RBFOX1: variants seen among roughly 807,000 people sequenced by gnomAD.
The protein encoded by RBFOX1 is RNA binding fox-1 homolog 1, also known as RNA binding protein fox-1 homolog 1.
Under a neutral mutation model 57.7 loss-of-function variants are expected in RBFOX1, and 8 were observed. That is an observed-to-expected ratio of 0.14 (90% CI 0.08 to 0.25). The LOEUF is 0.25. RBFOX1 is among the 10% of genes least tolerant of loss of function. The pLI, the probability that RBFOX1 is intolerant of heterozygous loss-of-function variation, is 1.00. For missense variants in RBFOX1, 611 were observed against 548.5 expected (o/e 1.11, Z -1.14); for synonymous variants, 326 against 222.4 (o/e 1.47, Z -4.15).
intron 14 of RBFOX1, among the ~76,000 whole-genome samples, chr16:7,699,452 A>G (rs2148027584): frequency 1.3e-5 from 2 of 152,236 alleles, no homozygotes; most frequent in East Asian, 3.9e-4. Context: ...TTGGCCTACC[A>G]AAGTCCTGCG....
intron 3 of RBFOX1, among the ~76,000 whole-genome samples, chr16:6,702,761 G>A (rs1215817110): frequency 6.6e-6 from 1 of 151,998 alleles, no homozygotes; most frequent in Non-Finnish European, 1.5e-5. Flanking sequence ...TTTTTGTTAT[G>A]GTAAAATAGA....
rs184892068 is a variant in RBFOX1 at position 7,113,854 on chromosome 16, A to G, written c.27+61756A>G. 3.3e-5 allele frequency among the ~76,000 whole-genome samples: 5 copies of G among 152,248 alleles called. No individual in the cohort carries two copies. The East Asian group carries it at 9.7e-4, about 29-fold the overall frequency. On this transcript the variant is annotated intron_variant, in intron 4 of 15. Transcript: ENST00000550418. ...TGGCCTCCCACTACCAAGTTTTCAC[A>G]GTTACTCACAATGGCACTCTCGGGT...
intron 3 of RBFOX1, among the ~76,000 whole-genome samples, chr16:6,816,926 T>C (rs1231568433): frequency 2.0e-5 from 3 of 151,964 alleles, no homozygotes; most frequent in Non-Finnish European, 4.4e-5. Flanking sequence ...TTTGTATTTT[T>C]TGGAGAGATG....
At chr16:7,091,661 C>A (rs77980424) in intron 4 of RBFOX1, among the ~76,000 whole-genome samples, 1 of 152,278 alleles carries the variant, frequency 6.6e-6, no homozygotes. Flanking sequence ...CTGCTGTAAG[C>A]AAACTTGTGA....
rs1386070 is a variant in RBFOX1 at position 5,598,763 on chromosome 16, G to C, written c.259-139G>C. ...GCAGGTCTTGACCCCTGCAGGGGATGGGTGGAGAGACAGAGGGTACTGTGG... is the reference window on the plus strand; with the variant it reads ...GCAGGTCTTGACCCCTGCAGGGGATCGGTGGAGAGACAGAGGGTACTGTGG... On this transcript the variant is annotated intron_variant, in intron 2 of 2. Coordinates refer to the RBFOX1 transcript ENST00000585867. 7.5e-4 allele frequency: 495 copies of C among 657,654 alleles called. 3 individuals carry two copies. In the African/African-American group the frequency reaches 8.2e-3, roughly 11 times the overall value. 40.7% of individuals were successfully genotyped at this position (657,654 alleles called of 1,614,324 possible). A position where few individuals can be genotyped will look rare whatever the true frequency, so the allele number is the denominator to read the frequency against.
At chr16:6,533,335 G>A (rs971475027) in intron 2 of RBFOX1, among the ~76,000 whole-genome samples, 8 of 152,178 alleles carry the variant, frequency 5.3e-5, no homozygotes, top group Non-Finnish European at 7.3e-5. Context: ...TGAGAACCTG[G>A]CTCAGAAAAT....
intron 1 of RBFOX1, among the ~76,000 whole-genome samples, chr16:6,076,479 G>GT (rs1487285797): frequency 1.3e-5 from 2 of 151,786 alleles, no homozygotes; most frequent in Admixed American, 6.6e-5. Context: ...CTGTTTTTTT[G>GT]TTTTTTGAGT....
At chr16:5,750,667 A>G (rs896336373) in intron 3 of RBFOX1, among the ~76,000 whole-genome samples, 7 of 152,228 alleles carry the variant, frequency 4.6e-5, no homozygotes, top group Non-Finnish European at 1.0e-4. Flanking sequence ...CCTCTGAGCC[A>G]GGCATGGGAT....
chr16:7,556,324 C>T (rs927742723), intron 5 of RBFOX1, among the ~76,000 whole-genome samples: 1 of 152,170 alleles, frequency 6.6e-6, no homozygotes, highest in African/African-American at 2.4e-5. Flanking sequence ...GATTTGCATG[C>T]TTCCCCTCCA....
At chr16:7,585,561 C>T (rs1030046351) in intron 6 of RBFOX1, among the ~76,000 whole-genome samples, 3 of 152,132 alleles carry the variant, frequency 2.0e-5, no homozygotes, top group Non-Finnish European at 2.9e-5. Context: ...GTCTGTGATT[C>T]CCCCGGCTGT....
chr16:6,219,470 G>A (rs775840386), intron 1 of RBFOX1, among the ~76,000 whole-genome samples: 3 of 152,136 alleles, frequency 2.0e-5, no homozygotes, highest in Non-Finnish European at 2.9e-5. Context: ...AATATGTCTC[G>A]GTCAAGTCTG....
intron 2 of RBFOX1, among the ~76,000 whole-genome samples, chr16:6,557,023 ATACATATAT>A (rs2097109020): frequency 7.4e-6 from 1 of 135,912 alleles, no homozygotes; most frequent in African/African-American, 3.3e-5. Context: ...ATACATATAT[ATACATATAT>A]ACACATATAT....
chr16:7,658,067 G>T (rs957385480), intron 12 of RBFOX1, among the ~76,000 whole-genome samples: 6 of 152,166 alleles, frequency 3.9e-5, no homozygotes, highest in African/African-American at 1.4e-4. Context: ...TCGATAGAGG[G>T]TGAAGCAGGG....
intron 3 of RBFOX1, among the ~76,000 whole-genome samples, chr16:5,827,419 A>AC (rs1342185901): frequency 6.6e-6 from 1 of 151,656 alleles, no homozygotes; most frequent in Non-Finnish European, 1.5e-5. Flanking sequence ...AAAAAAAAAA[A>AC]AAGAAAAGAA....
chr16:5,883,704 C>T (rs2057824403), intron 4 of RBFOX1, among the ~76,000 whole-genome samples: 1 of 152,126 alleles, frequency 6.6e-6, no homozygotes. Flanking sequence ...GAGTAGAACA[C>T]AAGCCTTATA....
rs539628797 is a variant in RBFOX1, at chr16:5,741,634, A to T, written c.319-125669A>T. Among the ~76,000 whole-genome samples the T allele has an allele frequency of 4.6e-5, 7 of 152,346 alleles. No homozygotes were observed. The South Asian group carries it at 1.5e-3, about 32-fold the overall frequency. ...TTTTTATATTTCTCTATAACAATTTATTGCGACACATATATCACCATTACA... is the reference window on the plus strand; with the variant it reads ...TTTTTATATTTCTCTATAACAATTTTTTGCGACACATATATCACCATTACA... On this transcript the variant is annotated intron_variant, in intron 3 of 19. Coordinates refer to the RBFOX1 transcript ENST00000641259.
At chr16:7,580,024 G>C (rs959886268) in intron 6 of RBFOX1, 104 bp downstream of exon 6, 3 of 1,276,246 alleles carry the variant, frequency 2.4e-6, no homozygotes, top group African/African-American at 1.5e-5. Context: ...TTAGATGTTT[G>C]TATGGGGAGA....
At chr16:6,929,611 G>C (rs994139800) in intron 3 of RBFOX1, among the ~76,000 whole-genome samples, 1 of 152,134 alleles carries the variant, frequency 6.6e-6, no homozygotes, top group Non-Finnish European at 1.5e-5. Context: ...CTTAAAAAAA[G>C]TCCCACCAAA....
chr16:6,804,941 G>A (rs1283352336), intron 3 of RBFOX1, among the ~76,000 whole-genome samples: 3 of 152,172 alleles, frequency 2.0e-5, no homozygotes, highest in Admixed American at 2.0e-4. Flanking sequence ...TATGCTGTTG[G>A]TCGGAGTGTA....
Sources: allele counts gnomAD v4.1 joint callset (sites outside exome capture counted in the v4.1 genomes callset), GRCh38; gene constraint gnomAD v4.1.1; transcripts MANE v1.5; gene names NCBI Gene and HGNC (gene_info 2026-07-23, HGNC 2026-07-21).